DMD: variants seen among roughly 807,000 people sequenced by gnomAD.
DMD encodes mutant dystrophin.
DMD carries 63 observed loss-of-function variants against 330.1 expected under a neutral mutation model. The observed-to-expected ratio is 0.19, with a 90% CI of 0.16 to 0.24. DMD has a LOEUF of 0.24. DMD is among the 10% of genes least tolerant of loss of function. The pLI is 1.00. For missense variants in DMD, 3,344 were observed against 2,684.1 expected (o/e 1.25, Z -5.43); for synonymous variants, 1,223 against 959.8 (o/e 1.27, Z -5.07).
rs1048688574 is a variant in DMD at position 31,289,263 on chromosome X, A to C, written c.9225-28247T>G. Among the ~76,000 whole-genome samples, 44 of 85,605 alleles carry C rather than the reference A, an allele frequency of 5.1e-4. 3 individuals carry two copies. Among genetic ancestry groups the C allele is most frequent in the Admixed American group, 2.0e-3 (17 of 8,299 alleles). The allele number at this position is 85,605 out of a possible 115,157, so 74.3% of individuals were successfully genotyped here. A position where few individuals can be genotyped will look rare whatever the true frequency, so the allele number is the denominator to read the frequency against. ...CTGGGTGACAGAGCAAAAAAAAAAAAAATAAAAAATAAAATAAAATCCATC... is the reference window on the plus strand; with the variant it reads ...CTGGGTGACAGAGCAAAAAAAAAAACAATAAAAAATAAAATAAAATCCATC... On this transcript the variant is annotated intron_variant, in intron 62 of 78. Transcript: ENST00000357033.
rs1341614956 is a variant in DMD at position 32,310,134 on chromosome X, T to A, written c.6065A>T (p.Asp2022Val). The A allele has an allele frequency of 8.3e-7, 1 of 1,207,739 alleles. No homozygotes were observed. The highest frequency in any genetic ancestry group is 1.1e-6 in the Non-Finnish European group (1 of 893,631). Residue 2022 changes from aspartate to valine, a missense_variant, in exon 42 of 79, where the codon GAC becomes GTC. Coordinates refer to ENST00000357033, the MANE Select transcript of DMD (RefSeq NM_004006.3). Reference sequence around the variant, plus strand: ...ATCTTCAAAGTCCTTAGCACAGAGGTCAGGAGCATTGAGAAGTTGTTCCAC... The same window carrying A: ...ATCTTCAAAGTCCTTAGCACAGAGGACAGGAGCATTGAGAAGTTGTTCCAC... ...LEVEQLLNAP[D>V]LCAKDFEDLF...
chrX:32,482,623 G>A (rs1361660984), intron 21 of DMD, among the ~76,000 whole-genome samples: 1 of 111,218 alleles, frequency 9.0e-6, no homozygotes, highest in African/African-American at 3.3e-5. Flanking sequence ...TCGTGTATAC[G>A]ATCTAGTTCT....
At chrX:33,334,635 G>A (rs1169001633) in intron 1 of DMD, among the ~76,000 whole-genome samples, 1 of 111,011 alleles carries the variant, frequency 9.0e-6, no homozygotes, top group Non-Finnish European at 1.9e-5. Context: ...AAATATTCTT[G>A]AAATGAAACA....
intron 59 of DMD, among the ~76,000 whole-genome samples, chrX:31,462,789 C>G (rs1424837411): frequency 6.2e-5 from 7 of 112,198 alleles, no homozygotes; most frequent in African/African-American, 2.3e-4. Context: ...TTAAGAGCTG[C>G]TAGTCATGGA....
chrX:33,197,891 GT>G (rs761696207), intron 1 of DMD, among the ~76,000 whole-genome samples: 3 of 111,008 alleles, frequency 2.7e-5, no homozygotes, highest in African/African-American at 9.8e-5. Flanking sequence ...TCATGTCAAG[GT>G]TTTTGGGTGA....
intron 74 of DMD, among the ~76,000 whole-genome samples, chrX:31,162,356 TAAAAAAA>T (rs57908991): frequency 0.061 from 3,099 of 50,623 alleles, 183 homozygotes; most frequent in African/African-American, 0.19. Flanking sequence ...ATGAAAAATC[TAAAAAAA>T]AAAAAAAAAA....
intron 34 of DMD, among the ~76,000 whole-genome samples, chrX:32,369,825 C>A (rs896996561): frequency 9.0e-6 from 1 of 111,314 alleles, no homozygotes; most frequent in African/African-American, 3.3e-5. Flanking sequence ...ATCAGCACCA[C>A]ATTTATTTAC....
In DMD at chrX:32,429,387, G is replaced by GTTTTTTTTTTT. The variant is rs10692022; in HGVS notation, c.4071+8843_4071+8853dup. Among the ~76,000 whole-genome samples, 150 of 44,189 alleles carry GTTTTTTTTTTT rather than the reference G, an allele frequency of 3.4e-3. 2 individuals carry two copies. The highest frequency in any genetic ancestry group is 0.029 in the Middle Eastern group (1 of 35). The allele number at this position is 44,189 out of a possible 115,157, so 38.4% of individuals were successfully genotyped here. ...ACCAAGCCTGGATACTTTTTTTTGG[G>GTTTTTTTTTTT]TTTTTTTTTTTTTTTTTTTTTTTTG... is the stretch of plus-strand genomic sequence containing the variant. On this transcript the variant is annotated intron_variant, in intron 29 of 78. Transcript: ENST00000357033.
At chrX:31,870,222 T>C (rs966430177) in intron 48 of DMD, among the ~76,000 whole-genome samples, 1 of 112,081 alleles carries the variant, frequency 8.9e-6, no homozygotes, top group African/African-American at 3.2e-5. Flanking sequence ...TTCCTTTTCT[T>C]AGAGCATTTA....
chrX:32,412,154 T>A (rs2098145242), intron 29 of DMD: 1 of 1,130,140 alleles, frequency 8.8e-7, no homozygotes, highest in African/African-American at 1.8e-5. Context: ...AATCACAATA[T>A]CACGTACATT....
chrX:32,783,250 A>T (rs1485665865), intron 7 of DMD, among the ~76,000 whole-genome samples: 6 of 100,767 alleles, frequency 6.0e-5, no homozygotes, highest in African/African-American at 2.1e-4. Context: ...ATATGTGTAT[A>T]TACGTATATA....
intron 27 of DMD, among the ~76,000 whole-genome samples, chrX:32,444,787 C>T (rs775175547): frequency 9.1e-6 from 1 of 110,401 alleles, no homozygotes; most frequent in Non-Finnish European, 1.9e-5. Flanking sequence ...TCTTTCTCAC[C>T]CTTTTATGGG....
chrX:32,509,189 TAAA>T (rs76536849), intron 18 of DMD, among the ~76,000 whole-genome samples: 6,324 of 86,243 alleles, frequency 0.073, 529 homozygotes, highest in African/African-American at 0.24. Context: ...TAAAAAGTGT[TAAA>T]AAAAAAAAAA....
At chrX:33,338,854 T>C (rs2054293785) in intron 1 of DMD, among the ~76,000 whole-genome samples, 1 of 111,762 alleles carries the variant, frequency 8.9e-6, no homozygotes, top group African/African-American at 3.3e-5. Flanking sequence ...CTGTACATTC[T>C]CATTTCTCTC....
At chrX:32,962,771 G>A (rs1233191278) in intron 2 of DMD, among the ~76,000 whole-genome samples, 5 of 111,894 alleles carry the variant, frequency 4.5e-5, no homozygotes, top group African/African-American at 1.3e-4. Context: ...GATATGCTTG[G>A]AGGCAATATT....
chrX:31,527,856 A>C (rs147512643), intron 55 of DMD, among the ~76,000 whole-genome samples: 3,350 of 111,656 alleles, frequency 0.03, 56 homozygotes, highest in Non-Finnish European at 0.044. Flanking sequence ...CTGTCCTCGA[A>C]GCCAAGTCTA....
intron 55 of DMD, among the ~76,000 whole-genome samples, chrX:31,515,102 T>A (rs2072058974): frequency 9.0e-6 from 1 of 111,496 alleles, no homozygotes; most frequent in Non-Finnish European, 1.9e-5. Flanking sequence ...TCATAAGTAA[T>A]AATACAACTG....
At chrX:33,118,112 C>A (rs370897701) in intron 1 of DMD, among the ~76,000 whole-genome samples, 1 of 90,426 alleles carries the variant, frequency 1.1e-5, no homozygotes, top group Non-Finnish European at 2.1e-5. Context: ...GTTCAAGACT[C>A]TTTTTTTTTT....
intron 44 of DMD, among the ~76,000 whole-genome samples, chrX:32,078,938 G>T (rs763623953): frequency 9.0e-6 from 1 of 111,702 alleles, no homozygotes; most frequent in South Asian, 3.8e-4. Flanking sequence ...TATACTCCAT[G>T]TTTCTCCCAT....
Sources: allele counts gnomAD v4.1 joint callset (sites outside exome capture counted in the v4.1 genomes callset), GRCh38; gene constraint gnomAD v4.1.1; transcripts MANE v1.5; gene names NCBI Gene and HGNC (gene_info 2026-07-23, HGNC 2026-07-21).